The following TMEM131 variants were observed in gnomAD, a reference collection of about 807,000 sequenced individuals.
TMEM131 encodes the protein 2610524E03Rik.
Under a neutral mutation model 211.6 loss-of-function variants are expected in TMEM131, and 66 were observed. That is an observed-to-expected ratio of 0.31 (90% CI 0.26 to 0.38). TMEM131 has a LOEUF of 0.38. Ranked by LOEUF, TMEM131 falls within the 10% of genes least tolerant of loss-of-function variation. The probability of loss-of-function intolerance (pLI) is 1.00; values close to 1 mark genes in which losing one functional copy is unlikely to be tolerated. For missense variants in TMEM131, 2,036 were observed against 2,299.3 expected, an observed-to-expected ratio of 0.89 and a Z score of 2.34; for synonymous variants, 844 against 841.3, an observed-to-expected ratio of 1.00 and a Z score of -0.06.
chr2:97,891,771 T>G (rs1224492091), intron 3 of TMEM131, among the ~76,000 whole-genome samples: 1 of 152,192 alleles, frequency 6.6e-6, no homozygotes, highest in East Asian at 1.9e-4. Context: ...TTGTTTGTGA[T>G]GTATTTGCAT....
intron 1 of TMEM131, among the ~76,000 whole-genome samples, chr2:97,962,532 A>C (rs895030966): frequency 6.6e-6 from 1 of 152,174 alleles, no homozygotes; most frequent in Admixed American, 6.5e-5. Context: ...AATACCACTA[A>C]GTACCCACTG....
intron 1 of TMEM131, among the ~76,000 whole-genome samples, chr2:97,952,620 C>T (rs1455111664): frequency 1.3e-5 from 2 of 152,122 alleles, no homozygotes; most frequent in Non-Finnish European, 2.9e-5. Context: ...CTCATGCCTA[C>T]AACCCCAGCA....
chr2:97,792,813 G>A lies in TMEM131; in HGVS notation c.3717C>T (p.Asn1239=), dbSNP rs1178272176. The change falls in exon 31 of 41, where the codon AAC becomes AAT. Residue 1239 remains asparagine, a synonymous_variant. Coordinates refer to ENST00000186436, the MANE Select transcript of TMEM131 (RefSeq NM_015348.2). ...AAGTCCTACTAGAGGTACTTGAACTGTTTTTGGCTCTGACGTTTTCCACGT... is the reference window on the plus strand; with the variant it reads ...AAGTCCTACTAGAGGTACTTGAACTATTTTTGGCTCTGACGTTTTCCACGT... The part of the protein sequence containing the change: ...SADVENVRAK[N]SSSTSSRTSA... 1.2e-6 allele frequency: 2 copies of A among 1,613,898 alleles called. No individual in the cohort carries two copies. Among genetic ancestry groups the A allele is most frequent in the Middle Eastern group, 1.6e-4 (1 of 6,084 alleles).
chr2:97,868,975 G>A (rs373743288), intron 4 of TMEM131, among the ~76,000 whole-genome samples: 13 of 152,190 alleles, frequency 8.5e-5, no homozygotes, highest in African/African-American at 1.9e-4. Context: ...AAGCTCAATC[G>A]ATACAATATA....
At chr2:97,995,006 G>A (rs1259426959) in intron 1 of TMEM131, among the ~76,000 whole-genome samples, 1 of 152,198 alleles carries the variant, frequency 6.6e-6, no homozygotes, top group Non-Finnish European at 1.5e-5. Flanking sequence ...CACTAAAGGA[G>A]GAAGCTACAG....
intron 1 of TMEM131, among the ~76,000 whole-genome samples, chr2:97,982,306 T>C (rs1454472331): frequency 1.3e-5 from 2 of 152,236 alleles, no homozygotes; most frequent in African/African-American, 4.8e-5. Flanking sequence ...ATACGTTTAT[T>C]ATATATCTTT....
At chr2:97,828,621 G>A (rs1682511035) in intron 11 of TMEM131, among the ~76,000 whole-genome samples, 1 of 152,196 alleles carries the variant, frequency 6.6e-6, no homozygotes, top group East Asian at 1.9e-4. Flanking sequence ...TAGACTCTTT[G>A]GCAGCAGTGA....
At chr2:97,841,618 CTGTATT>C (rs1559394445) in intron 7 of TMEM131, among the ~76,000 whole-genome samples, 191 bp downstream of exon 7, 1 of 11,784 alleles carries the variant, frequency 8.5e-5, no homozygotes, top group Admixed American at 3.8e-4. Flanking sequence ...ATCCAGACTG[CTGTATT>C]CCAAAATTCA....
intron 1 of TMEM131, among the ~76,000 whole-genome samples, chr2:97,960,836 C>A (rs1257540648): frequency 6.6e-6 from 1 of 151,890 alleles, no homozygotes; most frequent in Non-Finnish European, 1.5e-5. Context: ...ATATAACATC[C>A]AAACAGAGTT....
intron 1 of TMEM131, among the ~76,000 whole-genome samples, chr2:97,984,781 A>T (rs1157191454): frequency 6.6e-6 from 1 of 151,748 alleles, no homozygotes; most frequent in Admixed American, 6.6e-5. Context: ...ATATCGATAT[A>T]ATAGCTTTTT....
intron 5 of TMEM131, among the ~76,000 whole-genome samples, chr2:97,850,624 T>C (rs1673584530): frequency 6.6e-6 from 1 of 152,102 alleles, no homozygotes; most frequent in South Asian, 2.1e-4. Flanking sequence ...CTGCACATCC[T>C]GCACATGTAT....
intron 1 of TMEM131, among the ~76,000 whole-genome samples, chr2:97,961,010 G>A (rs1678789840): frequency 6.6e-6 from 1 of 151,836 alleles, no homozygotes; most frequent in Admixed American, 6.6e-5. Flanking sequence ...TAAGCCAATA[G>A]AAAGAACTTC....
At chr2:97,784,981 A>C (rs960150526) in intron 31 of TMEM131, among the ~76,000 whole-genome samples, 68 of 152,212 alleles carry the variant, frequency 4.5e-4, no homozygotes, top group Non-Finnish European at 6.2e-4. Context: ...GGAATACTAT[A>C]AACAACTCTA....
intron 1 of TMEM131, among the ~76,000 whole-genome samples, chr2:97,939,344 T>C (rs1323982249): frequency 6.6e-6 from 1 of 151,920 alleles, no homozygotes; most frequent in Non-Finnish European, 1.5e-5. Context: ...ATAAAGGAGA[T>C]ATCACCACCG....
chr2:97,947,276 GAAAAT>G, intron 1 of TMEM131, among the ~76,000 whole-genome samples: 1 of 152,082 alleles, frequency 6.6e-6, no homozygotes, highest in Admixed American at 6.5e-5. Flanking sequence ...CTGGAAAAGA[GAAAAT>G]AAAACTGTCT....
At chr2:97,863,294 G>C (rs898196288) in intron 4 of TMEM131, among the ~76,000 whole-genome samples, 1 of 152,170 alleles carries the variant, frequency 6.6e-6, no homozygotes, top group Non-Finnish European at 1.5e-5. Context: ...CAAACTGAAA[G>C]AAAGGGACAT....
chr2:97,763,216 G>A (rs1678954600), intron 35 of TMEM131: 1 of 152,478 alleles, frequency 6.6e-6, no homozygotes, highest in African/African-American at 2.4e-5. Context: ...TGTAGCACAA[G>A]CTGCTTCTCC....
chr2:97,944,293 C>T (rs960608984), intron 1 of TMEM131, among the ~76,000 whole-genome samples: 8 of 152,004 alleles, frequency 5.3e-5, no homozygotes, highest in Non-Finnish European at 1.2e-4. Flanking sequence ...AGAATGAGGA[C>T]GGACCCTGCC....
At chr2:97,835,620 T>C (rs1343387863) in intron 8 of TMEM131, among the ~76,000 whole-genome samples, 1 of 152,196 alleles carries the variant, frequency 6.6e-6, no homozygotes, top group African/African-American at 2.4e-5. Context: ...TTTCAGCATA[T>C]TTTAGGAGAT....
Sources: allele counts gnomAD v4.1 joint callset (sites outside exome capture counted in the v4.1 genomes callset), GRCh38; gene constraint gnomAD v4.1.1; transcripts MANE v1.5; gene names NCBI Gene and HGNC (gene_info 2026-07-23, HGNC 2026-07-21).